Variants in CYSLTR2 observed in about 807,000 individuals in gnomAD.
The protein encoded by CYSLTR2 is G-protein coupled receptor GPCR21.
For synonymous variants in CYSLTR2, 179 were observed against 160.8 expected, an observed-to-expected ratio of 1.11 and a Z score of -0.86; for missense variants, 398 against 411.9, an observed-to-expected ratio of 0.97 and a Z score of 0.29.
chr13:48,655,505 A>G (rs532585728), intron 1 of CYSLTR2, among the ~76,000 whole-genome samples: 1 of 152,346 alleles, frequency 6.6e-6, no homozygotes, highest in Non-Finnish European at 1.5e-5. Context: ...AAACAGAGCC[A>G]CAGCGCCTAA....
intron 4 of CYSLTR2, among the ~76,000 whole-genome samples, chr13:48,699,147 G>T (rs902708084): frequency 6.6e-6 from 1 of 152,176 alleles, no homozygotes; most frequent in Non-Finnish European, 1.5e-5. Context: ...TCCAGGAGTT[G>T]AACTCAGCTC....
Position 48,707,605 on chromosome 13 carries a change from A to G in CYSLTR2, c.788A>G (p.Tyr263Cys), listed in dbSNP as rs149666471. The G allele has an allele frequency of 1.3e-4, 210 of 1,611,976 alleles. No homozygotes were observed. In the African/African-American group the frequency reaches 2.5e-3, roughly 19 times the overall value. ...ATCTTCTTCTTGTGTTTCCTGCCCT[A>G]TCACACACTGAGGACCGTCCACTTG... ...LIIFFLCFLP[Y>C]HTLRTVHLTT... is the part of the protein sequence containing the mutation. Residue 263 changes from tyrosine (Y) to cysteine (C), a missense_variant, in exon 5 of 5, where the codon TAT becomes TGT. By Grantham distance (194) the Tyr-to-Cys change is radical (BLOSUM62 -2). Coordinates refer to ENST00000682523, the MANE Select transcript of CYSLTR2 (RefSeq NM_001308476.3).
At chr13:48,689,684 C>A (rs1205863959) in intron 1 of CYSLTR2, among the ~76,000 whole-genome samples, 1 of 152,146 alleles carries the variant, frequency 6.6e-6, no homozygotes, top group South Asian at 2.1e-4. Flanking sequence ...AGTTAGGTAG[C>A]ATGATGCCTC....
At chr13:48,688,178 G>A (rs1274581052) in intron 1 of CYSLTR2, among the ~76,000 whole-genome samples, 1 of 152,126 alleles carries the variant, frequency 6.6e-6, no homozygotes, top group African/African-American at 2.4e-5. Flanking sequence ...AACTTCCTGG[G>A]TTCAAGCAAT....
At chr13:48,673,367 C>A (rs1953496844) in intron 1 of CYSLTR2, among the ~76,000 whole-genome samples, 1 of 143,954 alleles carries the variant, frequency 6.9e-6, no homozygotes, top group Non-Finnish European at 1.5e-5. Flanking sequence ...TGATTCCCTT[C>A]TTTGCCTTTT....
At chr13:48,690,121 G>T (rs901741661) in intron 1 of CYSLTR2, among the ~76,000 whole-genome samples, 2 of 152,142 alleles carry the variant, frequency 1.3e-5, no homozygotes, top group African/African-American at 4.8e-5. Flanking sequence ...CTGAGACTTT[G>T]CTGAATTTGC....
intron 4 of CYSLTR2, among the ~76,000 whole-genome samples, chr13:48,699,086 C>A (rs1954272675): frequency 6.6e-6 from 1 of 152,170 alleles, no homozygotes; most frequent in Non-Finnish European, 1.5e-5. Flanking sequence ...GACTTTAACA[C>A]CCCACTGTCA....
At chr13:48,700,032 C>T (rs1353096732) in intron 4 of CYSLTR2, among the ~76,000 whole-genome samples, 1 of 152,080 alleles carries the variant, frequency 6.6e-6, no homozygotes, top group East Asian at 1.9e-4. Context: ...AATTAATATC[C>T]TACCAACCAA....
chr13:48,654,930 C>G (rs547126848), intron 1 of CYSLTR2, among the ~76,000 whole-genome samples: 1 of 152,150 alleles, frequency 6.6e-6, no homozygotes, highest in East Asian at 1.9e-4. Flanking sequence ...TGAAATATAC[C>G]TGAGAGTAAT....
chr13:48,672,623 T>C (rs866108847), intron 1 of CYSLTR2, among the ~76,000 whole-genome samples: 3,289 of 146,640 alleles, frequency 0.022, 120 homozygotes, highest in African/African-American at 0.075. Context: ...TTTCTTTTTT[T>C]TTTTTTTTTT....
intron 1 of CYSLTR2, among the ~76,000 whole-genome samples, chr13:48,654,378 T>C (rs1013395883): frequency 6.6e-6 from 1 of 151,680 alleles, no homozygotes; most frequent in Non-Finnish European, 1.5e-5. Flanking sequence ...TATGGACAAG[T>C]TTGTATTCAT....
intron 1 of CYSLTR2, among the ~76,000 whole-genome samples, chr13:48,670,957 G>C (rs995138276): frequency 1.6e-4 from 25 of 152,108 alleles, no homozygotes; most frequent in African/African-American, 6.0e-4. Context: ...ATTTCCTTGA[G>C]CAGTGGTTTG....
intron 1 of CYSLTR2, among the ~76,000 whole-genome samples, chr13:48,660,724 A>G (rs1343063321): frequency 6.6e-6 from 1 of 152,242 alleles, no homozygotes; most frequent in Non-Finnish European, 1.5e-5. Context: ...CGTTCTTGGA[A>G]GGCCAGGAAG....
In CYSLTR2 at chr13:48,707,729, C is replaced by T; in HGVS notation, c.912C>T (p.Leu304=). 2 of 1,610,806 alleles carry T rather than the reference C, an allele frequency of 1.2e-6. No individual in the cohort carries two copies. Among genetic ancestry groups the T allele is most frequent in the Non-Finnish European group, 1.7e-6 (2 of 1,177,808 alleles). Residue 304 remains leucine, a synonymous_variant, in exon 5 of 5, where the codon CTC becomes CTT. Coordinates refer to ENST00000682523, the MANE Select transcript of CYSLTR2 (RefSeq NM_001308476.3). ...AAANACFNPL[L]YYFAGENFKD... ...CCAATGCCTGCTTCAATCCTCTGCT[C>T]TATTACTTTGCTGGGGAGAATTTTA...
At chr13:48,698,213 T>C (rs1954247426) in intron 4 of CYSLTR2, among the ~76,000 whole-genome samples, 1 of 151,890 alleles carries the variant, frequency 6.6e-6, no homozygotes, top group African/African-American at 2.4e-5. Flanking sequence ...CCAAGACACA[T>C]AATTGTCAGA....
intron 1 of CYSLTR2, among the ~76,000 whole-genome samples, chr13:48,679,236 T>TA (rs956683718): frequency 6.6e-6 from 1 of 152,076 alleles, no homozygotes; most frequent in East Asian, 1.9e-4. Flanking sequence ...CCCAGAACCT[T>TA]AAAAAAACTC....
chr13:48,685,598 G>A (rs866459079), intron 1 of CYSLTR2, among the ~76,000 whole-genome samples: 10 of 152,152 alleles, frequency 6.6e-5, no homozygotes, highest in South Asian at 4.1e-4. Context: ...AGGTATGCTT[G>A]GAAATGCTGA....
chr13:48,701,054 C>T (rs12420213), intron 4 of CYSLTR2, among the ~76,000 whole-genome samples: 5 of 152,204 alleles, frequency 3.3e-5, no homozygotes, highest in Admixed American at 1.3e-4. Flanking sequence ...AATGGCCATA[C>T]TGCCCAAGGT....
chr13:48,695,407 T>C (rs532700850), intron 3 of CYSLTR2, among the ~76,000 whole-genome samples: 212 of 98,266 alleles, frequency 2.2e-3, no homozygotes, highest in African/African-American at 8.5e-3. Context: ...CTCTCTCTCT[T>C]TCTCTCTCTC....
Sources: allele counts gnomAD v4.1 joint callset (sites outside exome capture counted in the v4.1 genomes callset), GRCh38; gene constraint gnomAD v4.1.1; transcripts MANE v1.5; gene names NCBI Gene and HGNC (gene_info 2026-07-23, HGNC 2026-07-21).